FOXN3: variants seen among roughly 807,000 people sequenced by gnomAD.
FOXN3 encodes forkhead box protein N3.
Under a neutral mutation model 38.4 loss-of-function variants are expected in FOXN3, and 7 were observed. The ratio of observed to expected loss-of-function variants is 0.18; its 90% CI spans 0.10 to 0.34. The LOEUF is 0.34. Among genes scored for constraint, FOXN3 ranks in the 10% least tolerant of loss-of-function variants. The probability of loss-of-function intolerance (pLI) is 1.00; values close to 1 mark genes in which losing one functional copy is unlikely to be tolerated. For synonymous variants in FOXN3, 230 were observed against 242.2 expected, an observed-to-expected ratio of 0.95 and a Z score of 0.47; for missense variants, 456 against 613.4, an observed-to-expected ratio of 0.74 and a Z score of 2.71.
At chr14:89,230,946 T>A (rs1884788627) in intron 4 of FOXN3, 1 of 451,600 alleles carries the variant, frequency 2.2e-6, no homozygotes, top group Non-Finnish European at 4.5e-6. Context: ...CTGTGATAAA[T>A]CCCCCATGGC....
intron 2 of FOXN3, among the ~76,000 whole-genome samples, chr14:89,377,503 T>C (rs1890521277): frequency 2.6e-5 from 4 of 152,208 alleles, no homozygotes; most frequent in Non-Finnish European, 5.9e-5. Flanking sequence ...TGAGGTGCCA[T>C]GATGCCTAAA....
At chr14:89,433,683 A>G (rs1892212868) in intron 1 of FOXN3, among the ~76,000 whole-genome samples, 1 of 151,668 alleles carries the variant, frequency 6.6e-6, no homozygotes, top group Non-Finnish European at 1.5e-5. Flanking sequence ...AGGCGCCTGT[A>G]ATCCCAGCTA....
intron 1 of FOXN3, among the ~76,000 whole-genome samples, chr14:89,415,282 T>G (rs532774023): frequency 6.6e-6 from 1 of 152,344 alleles, no homozygotes; most frequent in East Asian, 1.9e-4. Context: ...GCACTGTTGC[T>G]ATGACAACAT....
intron 1 of FOXN3, among the ~76,000 whole-genome samples, chr14:89,511,194 C>T (rs374681945): frequency 0.02 from 248 of 12,654 alleles, 73 homozygotes; most frequent in Non-Finnish European, 0.055. Flanking sequence ...TCTTTCTTTT[C>T]TTTCTTTCTT....
intron 1 of FOXN3, among the ~76,000 whole-genome samples, chr14:89,568,329 A>AACCTGACC (rs1325221196): frequency 8.3e-4 from 127 of 152,224 alleles, no homozygotes; most frequent in African/African-American, 2.9e-3. Flanking sequence ...TCTGAATAGA[A>AACCTGACC]ACCTGACCAT....
intron 4 of FOXN3, among the ~76,000 whole-genome samples, chr14:89,199,259 C>T (rs1401859945): frequency 6.6e-6 from 1 of 152,156 alleles, no homozygotes; most frequent in Non-Finnish European, 1.5e-5. Context: ...GGGTTCTTGT[C>T]ACAGTGAGAC....
At chr14:89,593,276 TAGAG>T (rs535903020) in intron 1 of FOXN3, among the ~76,000 whole-genome samples, 2 of 151,644 alleles carry the variant, frequency 1.3e-5, no homozygotes, top group Non-Finnish European at 2.9e-5. Context: ...GAAGTATGTT[TAGAG>T]AGAGAGAATC....
chr14:89,330,156 C>T (rs1307164727), intron 3 of FOXN3, among the ~76,000 whole-genome samples: 1 of 152,152 alleles, frequency 6.6e-6, no homozygotes, highest in Non-Finnish European at 1.5e-5. Flanking sequence ...TTGAGGGCTG[C>T]AGAGATTCTG....
intron 3 of FOXN3, among the ~76,000 whole-genome samples, chr14:89,323,438 C>T (rs1887952296): frequency 6.6e-6 from 1 of 150,660 alleles, no homozygotes; most frequent in Admixed American, 6.6e-5. Context: ...GAAGAGGACC[C>T]GGCTGGGCAC....
intron 2 of FOXN3, among the ~76,000 whole-genome samples, chr14:89,381,887 C>T (rs1213109811): frequency 2.8e-5 from 4 of 144,802 alleles, no homozygotes; most frequent in African/African-American, 5.2e-5. Flanking sequence ...AAGGGAGGGA[C>T]GGAGGGAGGG....
intron 1 of FOXN3, among the ~76,000 whole-genome samples, chr14:89,565,145 C>G (rs1385276504): frequency 7.1e-6 from 1 of 141,208 alleles, no homozygotes; most frequent in Non-Finnish European, 1.5e-5. Flanking sequence ...CAGAGAGACA[C>G]AAGGAGAACA....
intron 1 of FOXN3, among the ~76,000 whole-genome samples, chr14:89,544,179 C>T (rs1223402857): frequency 1.3e-5 from 2 of 151,824 alleles, no homozygotes; most frequent in Non-Finnish European, 2.9e-5. Context: ...GTAGCTGGGA[C>T]TACAGGTGCC....
rs1274560793 is a variant in FOXN3, at chr14:89,511,182, TTTC to T, written c.-14-98695_-14-98693del. On this transcript the variant is annotated intron_variant, in intron 1 of 6. Coordinates refer to the FOXN3 transcript ENST00000345097. Reference sequence around the variant, plus strand: ...CTTTCTTTCTTTCTTTCTTTCTTTCTTTCTTTCTTTTCTTTCTTTCTTTTCTTT... The same window carrying T: ...CTTTCTTTCTTTCTTTCTTTCTTTCTTTTCTTTTCTTTCTTTCTTTTCTTT... Among the ~76,000 whole-genome samples, 13 of 22,510 alleles carry T rather than the reference TTTC, an allele frequency of 5.8e-4. 2 individuals carry two copies. Among genetic ancestry groups the T allele is most frequent in the East Asian group, 1.8e-3 (4 of 2,278 alleles). 14.8% of individuals were successfully genotyped at this position (22,510 alleles called of 152,430 possible). A position where few individuals can be genotyped will look rare whatever the true frequency, so the allele number is the denominator to read the frequency against.
intron 1 of FOXN3, among the ~76,000 whole-genome samples, chr14:89,501,825 G>A (rs151301063): frequency 0.027 from 4,102 of 151,306 alleles, 165 homozygotes; most frequent in African/African-American, 0.094. Context: ...TCCAGCCCGG[G>A]CAACAAGAGT....
At chr14:89,217,424 G>T (rs551531411) in intron 4 of FOXN3, among the ~76,000 whole-genome samples, 1 of 152,288 alleles carries the variant, frequency 6.6e-6, no homozygotes, top group Non-Finnish European at 1.5e-5. Context: ...ACAGGCATGA[G>T]CCACCACGCC....
intron 4 of FOXN3, among the ~76,000 whole-genome samples, chr14:89,182,675 A>G (rs1887703960): frequency 6.6e-6 from 1 of 152,242 alleles, no homozygotes. Flanking sequence ...TCTATAAGGA[A>G]GAATGTCTAA....
At chr14:89,320,796 C>A (rs1265226678) in intron 3 of FOXN3, among the ~76,000 whole-genome samples, 2 of 152,140 alleles carry the variant, frequency 1.3e-5, no homozygotes, top group Admixed American at 1.3e-4. Context: ...ACAAAATATA[C>A]CTCCCAGGAA....
At chr14:89,180,866 C>G in intron 4 of FOXN3, 60 bp from the exon 5 acceptor site, 3 of 1,399,508 alleles carry the variant, frequency 2.1e-6, no homozygotes, top group Non-Finnish European at 3.0e-6. Flanking sequence ...GATTTCCGTT[C>G]CAAGTCAGAA....
chr14:89,460,536 C>T (rs1438348665), intron 1 of FOXN3, among the ~76,000 whole-genome samples: 2 of 152,114 alleles, frequency 1.3e-5, no homozygotes, highest in African/African-American at 2.4e-5. Context: ...GGAGGAGGAA[C>T]GTTAGCCTGC....
Sources: gnomAD v4.1 joint callset for allele counts (sites outside exome capture counted in the v4.1 genomes callset) on GRCh38, gnomAD v4.1.1 for gene constraint, MANE v1.5 for transcripts, NCBI Gene and HGNC (gene_info 2026-07-23, HGNC 2026-07-21) for gene names.